Variants in MEGF10 observed in about 807,000 individuals in gnomAD.
MEGF10 encodes the protein multiple epidermal growth factor-like domains protein 10.
Under a neutral mutation model 147.5 loss-of-function variants are expected in MEGF10, and 86 were observed. The observed-to-expected ratio is 0.58, with a 90% CI of 0.49 to 0.70. The LOEUF (loss-of-function observed/expected upper bound fraction) is 0.70, where lower values mean the gene tolerates loss of function less well. MEGF10 is among the 30% of genes least tolerant of loss of function. The pLI, the probability that MEGF10 is intolerant of heterozygous loss-of-function variation, is 0.00. For synonymous variants in MEGF10, 478 were observed against 525.5 expected (o/e 0.91, Z 1.24); for missense variants, 1,329 against 1,487.3 (o/e 0.89, Z 1.75).
At chr5:127,247,407 G>A in the MEGF10 span, among the ~76,000 whole-genome samples, 2 of 65,298 alleles carry the variant, frequency 3.1e-5, no homozygotes, top group Non-Finnish European at 5.9e-5. Context: ...AGAAGAAGAA[G>A]AAGAAGAAGA....
At chr5:127,348,691 A>G (rs1286060903) in intron 4 of MEGF10, among the ~76,000 whole-genome samples, 1 of 152,210 alleles carries the variant, frequency 6.6e-6, no homozygotes, top group Non-Finnish European at 1.5e-5. Context: ...AGCAAAATTC[A>G]GCTGGCAGAT....
intron 1 of MEGF10, among the ~76,000 whole-genome samples, chr5:127,295,700 G>A (rs1022113347): frequency 7.2e-5 from 11 of 152,196 alleles, no homozygotes; most frequent in South Asian, 2.1e-4. Flanking sequence ...AGGGCAGGGA[G>A]GTAGTAGCAT....
chr5:127,364,133 A>G (rs571089514), intron 4 of MEGF10, among the ~76,000 whole-genome samples: 1 of 152,344 alleles, frequency 6.6e-6, no homozygotes, highest in East Asian at 1.9e-4. Flanking sequence ...GATGTAATTC[A>G]CATACCATAC....
chr5:127,289,127 T>C (rs1407819307), upstream of MEGF10, among the ~76,000 whole-genome samples: 2 of 152,232 alleles, frequency 1.3e-5, no homozygotes, highest in African/African-American at 4.8e-5. Flanking sequence ...ATGGAATTGT[T>C]CATTATCTTG....
intron 8 of MEGF10, among the ~76,000 whole-genome samples, chr5:127,407,177 G>T (rs978377966): frequency 4.6e-5 from 7 of 152,170 alleles, no homozygotes; most frequent in Non-Finnish European, 1.0e-4. Context: ...CTCTTTCCCA[G>T]TGCTTTTTAC....
the MEGF10 span, among the ~76,000 whole-genome samples, chr5:127,271,809 G>A: frequency 2.0e-5 from 3 of 152,148 alleles, no homozygotes; most frequent in Non-Finnish European, 4.4e-5. Flanking sequence ...GTGGAACTAC[G>A]AATCAATTAA....
At chr5:127,373,604 G>A (rs753221898) in intron 5 of MEGF10, among the ~76,000 whole-genome samples, 5 of 152,140 alleles carry the variant, frequency 3.3e-5, no homozygotes, top group African/African-American at 4.8e-5. Flanking sequence ...TTTTATTGTA[G>A]AGTGGTATTT....
intron 1 of MEGF10, among the ~76,000 whole-genome samples, chr5:127,301,329 G>C (rs1042612657): frequency 2.0e-5 from 3 of 152,270 alleles, no homozygotes; most frequent in African/African-American, 4.8e-5. Context: ...TGTACTGATA[G>C]AACATTCCAG....
At position 127,410,637 on chromosome 5, in the gene MEGF10, T is replaced by G. The variant is rs1764522551; in HGVS notation, c.1130+36T>G. The stretch of plus-strand genomic sequence containing the variant: ...GCTTCCCCTGGAAGGACGTGTCCTG[T>G]GAAAGTTTTAACCTTGGTTTTCAGG... On this transcript the variant is annotated intron_variant, in intron 9 of 24. Coordinates refer to ENST00000503335, the MANE Select transcript of MEGF10 (RefSeq NM_001256545.2). 4.6e-6 allele frequency: 7 copies of G among 1,536,686 alleles called. No individual in the cohort carries two copies. The African/African-American group carries it at 5.5e-5, about 12-fold the overall frequency.
chr5:127,361,359 A>G (rs2126841138), intron 4 of MEGF10, among the ~76,000 whole-genome samples: 1 of 152,108 alleles, frequency 6.6e-6, no homozygotes, highest in Admixed American at 6.5e-5. Flanking sequence ...TATAGATTTT[A>G]TGGCGATATC....
chr5:127,308,662 A>G (rs1304729214), intron 1 of MEGF10, among the ~76,000 whole-genome samples: 1 of 151,552 alleles, frequency 6.6e-6, no homozygotes, highest in Non-Finnish European at 1.5e-5. Context: ...GAATTGAACA[A>G]TGAGAACACA....
In MEGF10 at chr5:127,338,001, C is replaced by A. The variant is rs369521753; in HGVS notation, c.117-1119C>A. On this transcript the variant is annotated intron_variant, in intron 2 of 24. Coordinates refer to ENST00000503335, the MANE Select transcript of MEGF10 (RefSeq NM_001256545.2). ...ATAGTACGATTACTTCATGGCTGTC[C>A]TATTGAAGCCTGATACATAATGACT... Among the ~76,000 whole-genome samples, 25 of 152,150 alleles carry A rather than the reference C, an allele frequency of 1.6e-4. 1 individual carries two copies. Among genetic ancestry groups the A allele is most frequent in the African/African-American group, 6.0e-4 (25 of 41,540 alleles).
At chr5:127,344,596 A>G (rs1221291363) in intron 4 of MEGF10, among the ~76,000 whole-genome samples, 1 of 152,144 alleles carries the variant, frequency 6.6e-6, no homozygotes, top group Non-Finnish European at 1.5e-5. Flanking sequence ...TCTCAGCTGC[A>G]TCTCATTACA....
At chr5:127,325,886 T>C (rs553424884) in intron 1 of MEGF10, among the ~76,000 whole-genome samples, 20 of 58,180 alleles carry the variant, frequency 3.4e-4, no homozygotes, top group African/African-American at 1.3e-3. Flanking sequence ...TGTGTGTGTG[T>C]GTATATATAT....
At chr5:127,357,391 G>A (rs1314098133) in intron 4 of MEGF10, among the ~76,000 whole-genome samples, 1 of 152,064 alleles carries the variant, frequency 6.6e-6, no homozygotes, top group Admixed American at 6.6e-5. Context: ...TCGGTTAATA[G>A]GGTAGAGAGA....
Position 127,458,259 on chromosome 5 carries a change from A to G in MEGF10, c.*941A>G, listed in dbSNP as rs538168537. The G allele has an allele frequency of 3.3e-4, 51 of 152,254 alleles. No individual in the cohort carries two copies. The highest frequency in any genetic ancestry group is 6.6e-4 in the Non-Finnish European group (45 of 68,034). The allele number at this position is 152,254 out of a possible 1,614,324, so 9.4% of individuals were successfully genotyped here. ...GCTTACGTTCTGTAAACCATTAGTA[A>G]TACATGCTGTAATATAGAATTAGTG... On this transcript the variant is annotated 3_prime_UTR_variant, in exon 25 of 25. Coordinates refer to ENST00000503335, the MANE Select transcript of MEGF10 (RefSeq NM_001256545.2).
intron 1 of MEGF10, among the ~76,000 whole-genome samples, chr5:127,311,122 A>T (rs931797332): frequency 2.0e-5 from 3 of 152,212 alleles, no homozygotes; most frequent in Non-Finnish European, 2.9e-5. Flanking sequence ...AGTGTTGGTA[A>T]AATGCTTCTA....
the MEGF10 span, among the ~76,000 whole-genome samples, chr5:127,262,272 T>C: frequency 1.3e-5 from 2 of 151,230 alleles, no homozygotes; most frequent in Admixed American, 6.6e-5. Flanking sequence ...AGATCCATTT[T>C]GAGTTATTTT....
At chr5:127,254,465 G>A in the MEGF10 span, among the ~76,000 whole-genome samples, 432 of 152,128 alleles carry the variant, frequency 2.8e-3, 1 homozygote, top group Middle Eastern at 0.037. Flanking sequence ...CTTTTCATAG[G>A]TTAAAAGAGA....
Sources: gnomAD v4.1 joint callset for allele counts (sites outside exome capture counted in the v4.1 genomes callset) on GRCh38, gnomAD v4.1.1 for gene constraint, MANE v1.5 for transcripts, NCBI Gene and HGNC (gene_info 2026-07-23, HGNC 2026-07-21) for gene names.